The following NIPAL3 variants were observed in gnomAD, a reference collection of about 807,000 sequenced individuals.
NIPAL3 encodes NIPA-like protein 3.
Under a neutral mutation model 47.2 loss-of-function variants are expected in NIPAL3, and 41 were observed. The ratio of observed to expected loss-of-function variants is 0.87; its 90% CI spans 0.68 to 1.13. NIPAL3 has a LOEUF of 1.13. NIPAL3 is among the 50% of genes most tolerant of loss of function. The pLI, the probability that NIPAL3 is intolerant of heterozygous loss-of-function variation, is 0.00. For synonymous variants in NIPAL3, 194 were observed against 209.6 expected (o/e 0.93, Z 0.64); for missense variants, 449 against 530.1 (o/e 0.85, Z 1.50).
chr1:24,427,516 A>G (rs1644647005), intron 2 of NIPAL3, among the ~76,000 whole-genome samples: 1 of 152,156 alleles, frequency 6.6e-6, no homozygotes, highest in African/African-American at 2.4e-5. Flanking sequence ...TTTAAAAGAA[A>G]CCTCAGCCAT....
At chr1:24,448,539 GTTTTA>G (rs930140117) in intron 5 of NIPAL3, among the ~76,000 whole-genome samples, 1 of 152,090 alleles carries the variant, frequency 6.6e-6, no homozygotes, top group Non-Finnish European at 1.5e-5. Context: ...TTGCCTTTAT[GTTTTA>G]TTTTATTTGT....
chr1:24,431,193 A>G (rs1433965890), intron 2 of NIPAL3, among the ~76,000 whole-genome samples: 1 of 152,212 alleles, frequency 6.6e-6, no homozygotes, highest in Non-Finnish European at 1.5e-5. Flanking sequence ...GATGGGCGTT[A>G]CAGCATCTTG....
At chr1:24,443,995 A>G (rs868274854) in intron 4 of NIPAL3, among the ~76,000 whole-genome samples, 5 of 145,540 alleles carry the variant, frequency 3.4e-5, no homozygotes, top group African/African-American at 1.3e-4. Context: ...TTCGAATTTT[A>G]ATAAGGTTCA....
intron 2 of NIPAL3, among the ~76,000 whole-genome samples, chr1:24,425,614 C>T (rs1644546466): frequency 6.6e-6 from 1 of 152,032 alleles, no homozygotes; most frequent in Non-Finnish European, 1.5e-5. Context: ...TATTACCTTT[C>T]TTCTTATCTT....
intron 2 of NIPAL3, among the ~76,000 whole-genome samples, chr1:24,436,208 T>C (rs1376419917): frequency 7.2e-5 from 11 of 152,258 alleles, no homozygotes; most frequent in Non-Finnish European, 8.8e-5. Flanking sequence ...GTGTTTAGAA[T>C]AGTGAGGTTA....
rs531307540 is a variant in NIPAL3 at position 24,467,525 on chromosome 1, G to A, written c.1022-1461G>A. Among the ~76,000 whole-genome samples the A allele has an allele frequency of 7.9e-5, 12 of 152,202 alleles. No homozygotes were observed. In the East Asian group the frequency reaches 9.7e-4, roughly 12 times the overall value. On this transcript the variant is annotated intron_variant, in intron 11 of 11. Coordinates refer to ENST00000374399, the MANE Select transcript of NIPAL3 (RefSeq NM_020448.5). ...TATGGACTTCCAAGTTGAAACCCCC[G>A]AGTTTGGACCCTGGCACTGCCTCTT...
In NIPAL3 at chr1:24,469,317, T is replaced by C; in HGVS notation, c.*132T>C. The C allele has an allele frequency of 1.4e-6, 1 of 735,728 alleles. No homozygotes were observed. The highest frequency in any genetic ancestry group is 2.1e-6 in the Non-Finnish European group (1 of 465,454). The allele number at this position is 735,728 out of a possible 1,614,324, so 45.6% of individuals were successfully genotyped here. Reference sequence around the variant, plus strand: ...CTATGGATGATGATCTCAAAAAGCCTTTGTCTCTGGGAAAGGATGCGTTAT... The same window carrying C: ...CTATGGATGATGATCTCAAAAAGCCCTTGTCTCTGGGAAAGGATGCGTTAT... On this transcript the variant is annotated 3_prime_UTR_variant, in exon 12 of 12. Transcript: ENST00000374399.
At chr1:24,439,356 T>TA (rs1259506680) in intron 2 of NIPAL3, among the ~76,000 whole-genome samples, 1 of 152,088 alleles carries the variant, frequency 6.6e-6, no homozygotes, top group African/African-American at 2.4e-5. Flanking sequence ...ATATGTTAAG[T>TA]AAAAAAACAG....
At position 24,421,188 on chromosome 1, in the gene NIPAL3, G is replaced by A. The variant is rs1370147706; in HGVS notation, c.93+1548G>A. 2.0e-5 allele frequency among the ~76,000 whole-genome samples: 3 copies of A among 151,660 alleles called. No individual in the cohort carries two copies. In the East Asian group the frequency reaches 5.8e-4, roughly 29 times the overall value. On this transcript the variant is annotated intron_variant, in intron 2 of 11. Transcript: ENST00000374399. The stretch of plus-strand genomic sequence containing the variant: ...ACAAAAAATTAGCCAGGTGTGGTAG[G>A]GCACCTACCACACAAAAAATACAAA...
intron 2 of NIPAL3, among the ~76,000 whole-genome samples, chr1:24,429,105 T>A (rs1435134851): frequency 1.3e-5 from 2 of 152,230 alleles, no homozygotes; most frequent in Non-Finnish European, 2.9e-5. Flanking sequence ...ACCATCTTTA[T>A]GCATCAAAAA....
chr1:24,419,319 C>A lies in NIPAL3; in HGVS notation c.-229C>A. 8.0e-7 allele frequency: 1 copy of A among 1,251,384 alleles called. No individual in the cohort carries two copies. The highest frequency in any genetic ancestry group is 3.6e-5 in the East Asian group (1 of 27,948). The allele number at this position is 1,251,384 out of a possible 1,614,324, so 77.5% of individuals were successfully genotyped here. On this transcript the variant is annotated 5_prime_UTR_variant, in exon 2 of 12. Transcript: ENST00000374399. ...ACCGCAAGAACTGGAAAACACACCC[C>A]TCTCTGTCTGCCTGGGAGAGCCACG...
At chr1:24,460,320 C>T (rs1269443891) in intron 9 of NIPAL3, among the ~76,000 whole-genome samples, 161 bp from the exon 10 acceptor site, 1 of 152,092 alleles carries the variant, frequency 6.6e-6, no homozygotes, top group African/African-American at 2.4e-5. Context: ...CAACCTGATC[C>T]CCTAAATGGC....
chr1:24,413,819 T>C (rs1168700305), upstream of NIPAL3: 5 of 152,192 alleles, frequency 3.3e-5, no homozygotes, highest in Non-Finnish European at 5.9e-5. Flanking sequence ...ACGTGAAAAG[T>C]TGTTGACCAA....
chr1:24,432,748 C>T (rs556049912), intron 2 of NIPAL3, among the ~76,000 whole-genome samples: 6 of 152,266 alleles, frequency 3.9e-5, no homozygotes, highest in East Asian at 3.9e-4. Context: ...TGAGTTAATA[C>T]GTTTAAAGTA....
intron 10 of NIPAL3, among the ~76,000 whole-genome samples, chr1:24,463,111 C>G (rs1484394338): frequency 1.3e-5 from 2 of 152,068 alleles, no homozygotes; most frequent in Admixed American, 6.5e-5. Context: ...TCGCTTGAAC[C>G]TGGGAGGTGG....
intron 1 of NIPAL3, among the ~76,000 whole-genome samples, chr1:24,418,588 C>T (rs1644168874): frequency 6.6e-6 from 1 of 152,174 alleles, no homozygotes; most frequent in African/African-American, 2.4e-5. Context: ...GCTTGGATGA[C>T]AGAGTGAGAT....
At chr1:24,466,747 G>A (rs906777929) in intron 11 of NIPAL3, among the ~76,000 whole-genome samples, 1 of 152,172 alleles carries the variant, frequency 6.6e-6, no homozygotes, top group African/African-American at 2.4e-5. Context: ...GGAGGGCATT[G>A]ACAAAATCCA....
At chr1:24,447,311 A>C (rs1557516393) in intron 5 of NIPAL3, among the ~76,000 whole-genome samples, 1 of 152,216 alleles carries the variant, frequency 6.6e-6, no homozygotes, top group Non-Finnish European at 1.5e-5. Flanking sequence ...AGATGGATAG[A>C]TTTGTGAGAA....
intron 2 of NIPAL3, among the ~76,000 whole-genome samples, chr1:24,421,011 A>ATCCCAGTAATTATTG (rs1644304211): frequency 6.6e-6 from 1 of 152,152 alleles, no homozygotes; most frequent in Non-Finnish European, 1.5e-5. Flanking sequence ...GATTTATTGA[A>ATCCCAGTAATTATTG]AATTATTTTT....
Sources: allele counts gnomAD v4.1 joint callset (sites outside exome capture counted in the v4.1 genomes callset), GRCh38; gene constraint gnomAD v4.1.1; transcripts MANE v1.5; gene names NCBI Gene and HGNC (gene_info 2026-07-23, HGNC 2026-07-21).